Variants in RAI14 observed in about 807,000 individuals in gnomAD.
RAI14 encodes ankycorbin.
A neutral mutation model predicts 115.4 loss-of-function variants in RAI14; 45 were observed. The ratio of observed to expected loss-of-function variants is 0.39; its 90% CI spans 0.31 to 0.50. The LOEUF is 0.50. Ranked by LOEUF, RAI14 falls within the 20% of genes least tolerant of loss-of-function variation. RAI14 has a pLI of 0.85. For missense variants in RAI14, 939 were observed against 1,131.2 expected (o/e 0.83, Z 2.44); for synonymous variants, 371 against 415.4 (o/e 0.89, Z 1.30).
intron 1 of RAI14, among the ~76,000 whole-genome samples, chr5:34,672,681 G>T (rs559846910): frequency 2.0e-4 from 31 of 152,190 alleles, no homozygotes; most frequent in Non-Finnish European, 3.5e-4. Flanking sequence ...GTGATGCCTT[G>T]GTTAGGTGGT....
chr5:34,806,004 T>A (rs1308262292), intron 5 of RAI14, among the ~76,000 whole-genome samples: 3 of 152,118 alleles, frequency 2.0e-5, no homozygotes, highest in Non-Finnish European at 4.4e-5. Flanking sequence ...CCCAGTCTGG[T>A]AAACAATCCA....
chr5:34,818,765 A>G, intron 12 of RAI14, 32 bp from the exon 13 acceptor site: 1 of 1,568,630 alleles, frequency 6.4e-7, no homozygotes, highest in Non-Finnish European at 8.7e-7. Flanking sequence ...ACATTTAGAA[A>G]TGTTCTTTAA....
intron 2 of RAI14, among the ~76,000 whole-genome samples, chr5:34,734,001 C>T (rs78540832): frequency 0.036 from 5,432 of 152,258 alleles, 281 homozygotes; most frequent in African/African-American, 0.12. Flanking sequence ...TCATCCCTGC[C>T]GCTCCCAGCT....
chr5:34,761,358 G>T (rs3906381), intron 3 of RAI14, among the ~76,000 whole-genome samples: 9,403 of 151,956 alleles, frequency 0.062, 386 homozygotes, highest in Middle Eastern at 0.15. Context: ...AGCTAATTTT[G>T]GTTTTGTTTT....
chr5:34,701,764 A>G (rs551099795), intron 2 of RAI14, among the ~76,000 whole-genome samples: 1 of 151,202 alleles, frequency 6.6e-6, no homozygotes, highest in African/African-American at 2.4e-5. Flanking sequence ...GGTCACTCAT[A>G]TTTGGCTCAG....
chr5:34,674,586 G>GGTT (rs1554038522), intron 1 of RAI14, among the ~76,000 whole-genome samples: 2,317 of 132,506 alleles, frequency 0.017, 81 homozygotes, highest in African/African-American at 0.062. Context: ...CGGATCTTTT[G>GGTT]TTTTTTTTTT....
At chr5:34,695,681 C>T (rs987955685) in intron 2 of RAI14, among the ~76,000 whole-genome samples, 2 of 152,122 alleles carry the variant, frequency 1.3e-5, no homozygotes, top group African/African-American at 4.8e-5. Context: ...AAATTTATTT[C>T]ACCTGTTTCT....
intron 3 of RAI14, among the ~76,000 whole-genome samples, chr5:34,778,078 A>G (rs1255989554): frequency 1.3e-5 from 2 of 152,260 alleles, no homozygotes; most frequent in East Asian, 3.8e-4. Context: ...GACCTGAATT[A>G]TAATCTATGC....
chr5:34,763,417 T>C (rs1041203605), intron 3 of RAI14, among the ~76,000 whole-genome samples: 2 of 152,234 alleles, frequency 1.3e-5, no homozygotes, highest in African/African-American at 4.8e-5. Context: ...ATGTAATTGC[T>C]ATATCCACTC....
chr5:34,697,219 C>A (rs1196997374), intron 2 of RAI14, among the ~76,000 whole-genome samples: 4 of 151,876 alleles, frequency 2.6e-5, no homozygotes, highest in South Asian at 2.1e-4. Flanking sequence ...GGTGGATCAC[C>A]TGAGGTCGGG....
chr5:34,774,399 T>TC (rs1750578364), intron 3 of RAI14, among the ~76,000 whole-genome samples: 1 of 151,776 alleles, frequency 6.6e-6, no homozygotes, highest in Non-Finnish European at 1.5e-5. Flanking sequence ...AAAAAACTGA[T>TC]AAGCAAGTTC....
chr5:34,803,563 CA>C, intron 4 of RAI14, 148 bp from the exon 5 acceptor site: 4 of 651,516 alleles, frequency 6.1e-6, no homozygotes, highest in Non-Finnish European at 9.8e-6. Flanking sequence ...TCTCAAAAAA[CA>C]AAAAAACAAA....
At chr5:34,714,706 T>C in intron 2 of RAI14, among the ~76,000 whole-genome samples, 1 of 152,316 alleles carries the variant, frequency 6.6e-6, no homozygotes, top group Admixed American at 6.5e-5. Flanking sequence ...AATACCTTCG[T>C]TGCATTGTCA....
chr5:34,782,496 T>C (rs1751786336), intron 3 of RAI14, among the ~76,000 whole-genome samples: 1 of 152,258 alleles, frequency 6.6e-6, no homozygotes, highest in South Asian at 2.1e-4. Context: ...CTCCAGTTCC[T>C]GGCATTAAGT....
intron 2 of RAI14, among the ~76,000 whole-genome samples, chr5:34,753,731 T>A (rs565801312): frequency 1.3e-5 from 2 of 152,040 alleles, no homozygotes; most frequent in Non-Finnish European, 2.9e-5. Flanking sequence ...CTGGCTAACA[T>A]GGTGAAACCC....
At chr5:34,793,896 A>G (rs1232507384) in intron 3 of RAI14, among the ~76,000 whole-genome samples, 3 of 152,192 alleles carry the variant, frequency 2.0e-5, no homozygotes, top group Non-Finnish European at 4.4e-5. Flanking sequence ...TAAACATGCA[A>G]TTCAATAATT....
intron 1 of RAI14, among the ~76,000 whole-genome samples, chr5:34,662,515 A>G (rs1742769629): frequency 6.6e-6 from 1 of 152,130 alleles, no homozygotes; most frequent in African/African-American, 2.4e-5. Context: ...AGTGAACTAT[A>G]TTAGGTATAC....
At chr5:34,789,044 T>C (rs1305382105) in intron 3 of RAI14, among the ~76,000 whole-genome samples, 1 of 152,214 alleles carries the variant, frequency 6.6e-6, no homozygotes, top group Non-Finnish European at 1.5e-5. Flanking sequence ...TACCCCATCC[T>C]AATCTGTAGG....
intron 2 of RAI14, among the ~76,000 whole-genome samples, chr5:34,744,942 G>A (rs750843655): frequency 6.6e-6 from 1 of 152,138 alleles, no homozygotes; most frequent in Non-Finnish European, 1.5e-5. Context: ...TTGGTTAATG[G>A]CAGCATAATT....
Sources: allele counts gnomAD v4.1 joint callset (sites outside exome capture counted in the v4.1 genomes callset), GRCh38; gene constraint gnomAD v4.1.1; transcripts MANE v1.5; gene names NCBI Gene and HGNC (gene_info 2026-07-23, HGNC 2026-07-21).